Variants in ASIP observed in about 807,000 individuals in gnomAD.
ASIP encodes the protein agouti signaling protein.
Under a neutral mutation model 10.3 loss-of-function variants are expected in ASIP, and 11 were observed. That is an observed-to-expected ratio of 1.07 (90% CI 0.68 to 1.78). The LOEUF (loss-of-function observed/expected upper bound fraction) is 1.78. ASIP is among the 40% of genes most tolerant of loss of function. The pLI, the probability that ASIP is intolerant of heterozygous loss-of-function variation, is 0.00. For missense variants in ASIP, 180 were observed against 169.2 expected (o/e 1.06, Z -0.35); for synonymous variants, 70 against 70.8 (o/e 0.99, Z 0.06).
At chr20:34,267,839 T>G (rs892711144) in intron 3 of ASIP, among the ~76,000 whole-genome samples, 11 of 122,696 alleles carry the variant, frequency 9.0e-5, no homozygotes, top group Non-Finnish European at 1.8e-4. Context: ...TTGATAACCA[T>G]ATTTAAAAAA....
intron 1 of ASIP, among the ~76,000 whole-genome samples, chr20:34,234,005 G>C (rs1275175225): frequency 6.6e-6 from 1 of 152,170 alleles, no homozygotes; most frequent in Admixed American, 6.5e-5. Flanking sequence ...CACAAATCTG[G>C]CATGTAGTGG....
At chr20:34,205,531 G>A (rs1261056707) in intron 1 of ASIP, among the ~76,000 whole-genome samples, 1 of 151,358 alleles carries the variant, frequency 6.6e-6, no homozygotes, top group Non-Finnish European at 1.5e-5. Context: ...TTATTGCGAA[G>A]AGCGAAAGAA....
intron 1 of ASIP, among the ~76,000 whole-genome samples, chr20:34,220,614 A>C (rs945853792): frequency 6.6e-6 from 1 of 151,724 alleles, no homozygotes; most frequent in Non-Finnish European, 1.5e-5. Context: ...AAAAAGAAGT[A>C]AGCACAAGGT....
chr20:34,215,740 A>G (rs1286800476), intron 1 of ASIP: 3 of 1,471,662 alleles, frequency 2.0e-6, no homozygotes, highest in Non-Finnish European at 2.9e-6. Context: ...AAAACTTTAC[A>G]TGATCATCAC....
chr20:34,199,269 T>C (rs1194059941), intron 1 of ASIP, among the ~76,000 whole-genome samples: 2 of 152,204 alleles, frequency 1.3e-5, no homozygotes, highest in African/African-American at 4.8e-5. Flanking sequence ...GGGCTATTAC[T>C]GAACAGAAGC....
chr20:34,251,450 T>C (rs2035475177), intron 1 of ASIP, among the ~76,000 whole-genome samples: 1 of 151,958 alleles, frequency 6.6e-6, no homozygotes, highest in Admixed American at 6.6e-5. Context: ...TTTTTTTGTA[T>C]TTTTTAATAG....
At chr20:34,208,668 G>A (rs918047325) in intron 1 of ASIP, among the ~76,000 whole-genome samples, 1 of 152,200 alleles carries the variant, frequency 6.6e-6, no homozygotes, top group Non-Finnish European at 1.5e-5. Context: ...TCACTGGTGT[G>A]TAGATAAGGA....
At chr20:34,211,596 A>G (rs2063553952) in intron 1 of ASIP, among the ~76,000 whole-genome samples, 1 of 152,160 alleles carries the variant, frequency 6.6e-6, no homozygotes. Flanking sequence ...ACGGGTGACA[A>G]ATTTTTCTCA....
At chr20:34,242,258 G>A (rs966769403) in intron 1 of ASIP, among the ~76,000 whole-genome samples, 6 of 150,420 alleles carry the variant, frequency 4.0e-5, no homozygotes, top group East Asian at 1.9e-4. Flanking sequence ...TTTTTGAGAC[G>A]GAGTCTCACT....
At chr20:34,199,161 T>C (rs1011391413) in intron 1 of ASIP, among the ~76,000 whole-genome samples, 3 of 152,230 alleles carry the variant, frequency 2.0e-5, no homozygotes, top group African/African-American at 7.2e-5. Flanking sequence ...TATCCATTTG[T>C]TTATCCATAA....
chr20:34,191,436 C>T (rs1316434987), upstream of ASIP, among the ~76,000 whole-genome samples: 1 of 152,146 alleles, frequency 6.6e-6, no homozygotes, highest in African/African-American at 2.4e-5. Flanking sequence ...ACACTGTCAT[C>T]CCCATTGAAG....
chr20:34,262,718 T>G lies in ASIP; in HGVS notation c.161-114T>G, dbSNP rs1307950285. ...TACAGTGTGACTCATCCAGCACGCTTCTTCTCCTCTCCCTGACCTTGTGAC... is the reference window on the plus strand; with the variant it reads ...TACAGTGTGACTCATCCAGCACGCTGCTTCTCCTCTCCCTGACCTTGTGAC... On this transcript the variant is annotated intron_variant, in intron 2 of 3. Coordinates refer to ENST00000374954, the MANE Select transcript of ASIP (RefSeq NM_001672.3). 19 of 1,171,994 alleles carry G rather than the reference T, an allele frequency of 1.6e-5. No homozygotes were observed. In the East Asian group the frequency reaches 2.4e-4, roughly 15 times the overall value. 72.6% of individuals were successfully genotyped at this position (1,171,994 alleles called of 1,614,324 possible). A position where few individuals can be genotyped will look rare whatever the true frequency, so the allele number is the denominator to read the frequency against.
upstream of ASIP, among the ~76,000 whole-genome samples, chr20:34,190,378 C>A (rs893806029): frequency 6.6e-6 from 1 of 152,152 alleles, no homozygotes; most frequent in Non-Finnish European, 1.5e-5. Flanking sequence ...GATGATATCA[C>A]CAAACCTTTC....
At chr20:34,211,664 T>C (rs1231815152) in intron 1 of ASIP, among the ~76,000 whole-genome samples, 1 of 152,266 alleles carries the variant, frequency 6.6e-6, no homozygotes, top group Non-Finnish European at 1.5e-5. Context: ...AAAATGTTTT[T>C]GCTGAATGTA....
chr20:34,198,380 G>A (rs943882370), intron 1 of ASIP, among the ~76,000 whole-genome samples: 2 of 151,940 alleles, frequency 1.3e-5, no homozygotes, highest in Non-Finnish European at 2.9e-5. Context: ...GTGAGCCACC[G>A]AGCCCGGTCA....
At chr20:34,268,871 G>T (rs2035836641) in intron 3 of ASIP, 120 bp from the exon 4 acceptor site, 6 of 1,305,124 alleles carry the variant, frequency 4.6e-6, no homozygotes, top group Middle Eastern at 2.5e-4. Flanking sequence ...TGGGCGGTGG[G>T]CAAGCCAGCG....
intron 1 of ASIP, chr20:34,246,431 G>C: frequency 7.4e-7 from 1 of 1,360,208 alleles, no homozygotes. Context: ...TGTTGGTAAT[G>C]AACAGACTCC....
Position 34,267,627 on chromosome 20 carries a change from G to A in ASIP, c.223-1364G>A, listed in dbSNP as rs2035810409. Among the ~76,000 whole-genome samples the A allele has an allele frequency of 2.6e-5, 4 of 152,108 alleles. No homozygotes were observed. In the East Asian group the frequency reaches 7.7e-4, roughly 29 times the overall value. On this transcript the variant is annotated intron_variant, in intron 3 of 3. Coordinates refer to ENST00000374954, the MANE Select transcript of ASIP (RefSeq NM_001672.3). ...ACTCACAGCAACCTCCACCTCCCCG[G>A]TTCAAACAATTCTCCTGCCTCAGCC...
chr20:34,263,676 T>C (rs59656644), intron 3 of ASIP, among the ~76,000 whole-genome samples: 14,667 of 147,348 alleles, frequency 0.1, 2,256 homozygotes, highest in African/African-American at 0.36. Flanking sequence ...TTTTTTTTTC[T>C]TTTTTTTTGA....
Sources: gnomAD v4.1 joint callset for allele counts (sites outside exome capture counted in the v4.1 genomes callset) on GRCh38, gnomAD v4.1.1 for gene constraint, MANE v1.5 for transcripts, NCBI Gene and HGNC (gene_info 2026-07-23, HGNC 2026-07-21) for gene names.